The following ERN1 variants were observed in gnomAD, a reference collection of about 807,000 sequenced individuals.
ERN1 encodes the protein serine/threonine-protein kinase/endoribonuclease IRE1.
ERN1 carries 39 observed loss-of-function variants against 113.1 expected under a neutral mutation model. That is an observed-to-expected ratio of 0.34 (90% CI 0.27 to 0.45). ERN1 has a LOEUF of 0.45. ERN1 is among the 20% of genes least tolerant of loss of function. The pLI, the probability that ERN1 is intolerant of heterozygous loss-of-function variation, is 1.00. For synonymous variants in ERN1, 507 were observed against 515.9 expected (o/e 0.98, Z 0.23); for missense variants, 976 against 1,274.8 (o/e 0.77, Z 3.57).
chr17:64,069,120 T>G (rs78898460), intron 6 of ERN1, among the ~76,000 whole-genome samples: 3,875 of 152,208 alleles, frequency 0.025, 67 homozygotes, highest in Non-Finnish European at 0.04. Flanking sequence ...ATCAACCAAA[T>G]CAAAGTTGAA....
At chr17:64,045,541 C>A (rs531091437) in intron 19 of ERN1, 59 bp from the exon 20 acceptor site, 2 of 1,607,922 alleles carry the variant, frequency 1.2e-6, no homozygotes, top group Non-Finnish European at 1.7e-6. Context: ...GAGAGCTGTG[C>A]GACTGGGACT....
chr17:64,046,126 C>T (rs1912506486), intron 19 of ERN1, among the ~76,000 whole-genome samples: 1 of 152,212 alleles, frequency 6.6e-6, no homozygotes, highest in African/African-American at 2.4e-5. Context: ...GCTGAGGACA[C>T]AGGGAGTGGT....
At chr17:64,094,918 G>A (rs1914188719) in intron 2 of ERN1, among the ~76,000 whole-genome samples, 1 of 152,066 alleles carries the variant, frequency 6.6e-6, no homozygotes, top group South Asian at 2.1e-4. Flanking sequence ...GTATCCTCAG[G>A]ACCTAGAGTA....
chr17:64,072,955 C>T (rs1346535904), intron 5 of ERN1, among the ~76,000 whole-genome samples: 1 of 151,268 alleles, frequency 6.6e-6, no homozygotes, highest in Non-Finnish European at 1.5e-5. Context: ...TTTGGAGACT[C>T]TTAGAAGAAG....
intron 1 of ERN1, among the ~76,000 whole-genome samples, chr17:64,127,836 G>A (rs2143518174): frequency 6.6e-6 from 1 of 151,706 alleles, no homozygotes; most frequent in East Asian, 1.9e-4. Flanking sequence ...TGACCAGTTA[G>A]AACTCAGGTT....
rs566998938 is a variant in ERN1 at position 64,103,687 on chromosome 17, G to A, written c.55-5446C>T. Among the ~76,000 whole-genome samples, 8 of 152,090 alleles carry A rather than the reference G, an allele frequency of 5.3e-5. 1 individual carries two copies. In the South Asian group the frequency reaches 1.7e-3, roughly 32 times the overall value. On this transcript the variant is annotated intron_variant, in intron 1 of 21. Coordinates refer to ENST00000433197, the MANE Select transcript of ERN1 (RefSeq NM_001433.5). ...ATTGTGAATTCAGCTAATTGTTAGG[G>A]CTCTTCCATTAATTAACTACTTATA...
rs146935501 is a variant in ERN1 at position 64,076,591 on chromosome 17, T to C, written c.283-1344A>G. 2.8e-3 allele frequency among the ~76,000 whole-genome samples: 372 copies of C among 130,764 alleles called. 5 individuals carry two copies. The highest frequency in any genetic ancestry group is 0.01 in the African/African-American group (359 of 34,888). The allele number at this position is 130,764 out of a possible 152,430, so 85.8% of individuals were successfully genotyped here. On this transcript the variant is annotated intron_variant, in intron 4 of 21. Transcript: ENST00000433197. ...CCCAGAAAGGAGCACAAGGGAGTGATGAAGGGCATCCTCTTTTTTTTTTTT... is the reference window on the plus strand; with the variant it reads ...CCCAGAAAGGAGCACAAGGGAGTGACGAAGGGCATCCTCTTTTTTTTTTTT...
chr17:64,087,469 C>T (rs936943560), intron 2 of ERN1, among the ~76,000 whole-genome samples: 32 of 152,210 alleles, frequency 2.1e-4, no homozygotes, highest in African/African-American at 7.5e-4. Context: ...GTCCCACTTC[C>T]ACCCAGTCAC....
chr17:64,056,127 TTCCACCG>T (rs1346950823), intron 12 of ERN1, among the ~76,000 whole-genome samples, 179 bp from the exon 13 acceptor site: 2 of 152,156 alleles, frequency 1.3e-5, no homozygotes, highest in Non-Finnish European at 2.9e-5. Flanking sequence ...CTGGACGTCT[TTCCACCG>T]ACTAGTTAGA....
intron 5 of ERN1, among the ~76,000 whole-genome samples, chr17:64,073,789 C>T (rs1913504852): frequency 1.3e-5 from 2 of 152,206 alleles, no homozygotes; most frequent in Non-Finnish European, 2.9e-5. Flanking sequence ...CTGCACCTGG[C>T]CTACACCTGG....
At chr17:64,074,078 G>A (rs1913514245) in intron 5 of ERN1, among the ~76,000 whole-genome samples, 1 of 152,142 alleles carries the variant, frequency 6.6e-6, no homozygotes, top group Non-Finnish European at 1.5e-5. Context: ...TGATCTGAAG[G>A]TAGAGGAGAA....
chr17:64,078,298 T>C (rs189598586), intron 4 of ERN1, among the ~76,000 whole-genome samples: 37 of 152,348 alleles, frequency 2.4e-4, no homozygotes, highest in African/African-American at 8.9e-4. Flanking sequence ...CATCTTTTCA[T>C]ATGTTTATGA....
At chr17:64,129,522 CAG>C in intron 1 of ERN1, 1 of 325,576 alleles carries the variant, frequency 3.1e-6, no homozygotes, top group Non-Finnish European at 5.6e-6. Context: ...AAGCGCAGGA[CAG>C]ACCCTTCCCC....
chr17:64,067,929 G>C lies in ERN1; in HGVS notation c.580+261C>G, dbSNP rs115023290. The stretch of plus-strand genomic sequence containing the variant: ...TGCAGTAAATTCCTTCTGTGACATA[G>C]AAAGACTCAACGAGGGATGTCCTCC... On this transcript the variant is annotated intron_variant, in intron 7 of 21. Coordinates refer to ENST00000433197, the MANE Select transcript of ERN1 (RefSeq NM_001433.5). The C allele has an allele frequency of 4.8e-3, 1,885 of 396,244 alleles. 37 individuals carry two copies. The highest frequency in any genetic ancestry group is 0.034 in the African/African-American group (1,718 of 50,068). 24.5% of individuals were successfully genotyped at this position (396,244 alleles called of 1,614,324 possible).
At chr17:64,082,293 CAT>C (rs941611814) in intron 2 of ERN1, among the ~76,000 whole-genome samples, 5 of 152,268 alleles carry the variant, frequency 3.3e-5, no homozygotes, top group South Asian at 4.1e-4. Flanking sequence ...TCAGTAAGCA[CAT>C]GTTTATCTTT....
At chr17:64,128,426 C>T (rs1042555958) in intron 1 of ERN1, among the ~76,000 whole-genome samples, 1 of 152,134 alleles carries the variant, frequency 6.6e-6, no homozygotes, top group Non-Finnish European at 1.5e-5. Flanking sequence ...GAAATATTTA[C>T]ACGAACTGAA....
chr17:64,090,587 C>T (rs903609512), intron 2 of ERN1, among the ~76,000 whole-genome samples: 1 of 152,178 alleles, frequency 6.6e-6, no homozygotes. Flanking sequence ...AAGTCACAGA[C>T]AAAATAAGGC....
At chr17:64,071,798 A>G (rs1913427636) in intron 6 of ERN1, among the ~76,000 whole-genome samples, 183 bp downstream of exon 6, 1 of 152,110 alleles carries the variant, frequency 6.6e-6, no homozygotes, top group South Asian at 2.1e-4. Flanking sequence ...GCCGTGGTGC[A>G]GTTTGGACTG....
intron 2 of ERN1, among the ~76,000 whole-genome samples, chr17:64,086,401 T>C (rs543118090): frequency 2.6e-4 from 39 of 152,304 alleles, no homozygotes; most frequent in African/African-American, 9.1e-4. Flanking sequence ...CCTCTTTATC[T>C]CACATAATGT....
Sources: allele counts gnomAD v4.1 joint callset (sites outside exome capture counted in the v4.1 genomes callset), GRCh38; gene constraint gnomAD v4.1.1; transcripts MANE v1.5; gene names NCBI Gene and HGNC (gene_info 2026-07-23, HGNC 2026-07-21).